The following LPCAT2 variants were observed in gnomAD, a reference collection of about 807,000 sequenced individuals.
The protein encoded by LPCAT2 is 1-AGP acyltransferase 11.
Under a neutral mutation model 64.7 loss-of-function variants are expected in LPCAT2, and 58 were observed. The ratio of observed to expected loss-of-function variants is 0.90; its 90% CI spans 0.73 to 1.12. The LOEUF (loss-of-function observed/expected upper bound fraction) is 1.12. LPCAT2 is among the 50% of genes most tolerant of loss of function. The probability of loss-of-function intolerance (pLI) is 0.00; values close to 1 mark genes in which losing one functional copy is unlikely to be tolerated. For missense variants in LPCAT2, 579 were observed against 669.8 expected (o/e 0.86, Z 1.50); for synonymous variants, 252 against 245.3 (o/e 1.03, Z -0.26).
intron 11 of LPCAT2, among the ~76,000 whole-genome samples, chr16:55,559,994 G>A (rs899951172): frequency 6.6e-6 from 1 of 152,158 alleles, no homozygotes; most frequent in South Asian, 2.1e-4. Context: ...TTTACTTTTG[G>A]CTTCTCAATG....
intron 1 of LPCAT2, among the ~76,000 whole-genome samples, chr16:55,516,047 T>G (rs1963006520): frequency 6.6e-6 from 1 of 152,192 alleles, no homozygotes; most frequent in Admixed American, 6.5e-5. Context: ...AAAATTAAGA[T>G]TCACAGAATT....
rs1963721638 is a variant in LPCAT2 at position 55,567,651 on chromosome 16, T to G, written c.1216-6980T>G. 5.3e-6 allele frequency: 4 copies of G among 760,110 alleles called. 1 individual carries two copies. In the East Asian group the frequency reaches 1.0e-4, roughly 20 times the overall value. The allele number at this position is 760,110 out of a possible 1,614,324, so 47.1% of individuals were successfully genotyped here. ...TACATATTTCTGATCATGTGCTGCC[T>G]TTTACTGCTGAATTAAAACAGATAT... On this transcript the variant is annotated intron_variant, in intron 11 of 13. Coordinates refer to ENST00000262134, the MANE Select transcript of LPCAT2 (RefSeq NM_017839.5).
chr16:55,570,332 A>G (rs1431889400), intron 11 of LPCAT2, among the ~76,000 whole-genome samples: 1 of 152,136 alleles, frequency 6.6e-6, no homozygotes, highest in Non-Finnish European at 1.5e-5. Context: ...CAGAAATCTT[A>G]TCAGTACTGG....
chr16:55,557,896 A>G (rs1225528976), intron 11 of LPCAT2, among the ~76,000 whole-genome samples: 2 of 152,182 alleles, frequency 1.3e-5, no homozygotes, highest in Non-Finnish European at 2.9e-5. Context: ...ACATTCTCAG[A>G]TATTTGATGG....
chr16:55,549,878 ATCT>A (rs1215230945), intron 10 of LPCAT2, among the ~76,000 whole-genome samples: 3 of 152,154 alleles, frequency 2.0e-5, no homozygotes, highest in Admixed American at 6.5e-5. Context: ...AAAGGCAAAA[ATCT>A]TCTTCCTGCT....
intron 7 of LPCAT2, among the ~76,000 whole-genome samples, chr16:55,537,357 C>T (rs1274174496): frequency 2.0e-5 from 3 of 150,258 alleles, no homozygotes; most frequent in African/African-American, 7.4e-5. Flanking sequence ...TGCCACTGTA[C>T]TCCAGACTGG....
chr16:55,518,467 A>G (rs1327162826), intron 1 of LPCAT2, among the ~76,000 whole-genome samples: 1 of 152,200 alleles, frequency 6.6e-6, no homozygotes, highest in Non-Finnish European at 1.5e-5. Flanking sequence ...ACTACAAACA[A>G]CCAAAAGAAT....
intron 11 of LPCAT2, among the ~76,000 whole-genome samples, chr16:55,564,458 A>G (rs1232562508): frequency 6.6e-6 from 1 of 151,982 alleles, no homozygotes; most frequent in Non-Finnish European, 1.5e-5. Flanking sequence ...CTTCAAACCT[A>G]CAGTAATCAA....
rs777807704 is a variant in LPCAT2, at chr16:55,529,858, G to A, written c.553G>A (p.Val185Ile). The part of the protein sequence containing the change: ...IGRLLRAVQP[V>I]LVSRVDPDSR... ...AGGACTGTTACGGGCTGTGCAACCAGTTTTGGTGTCCCGTGTAGATCCGGA... is the reference window on the plus strand; with the variant it reads ...AGGACTGTTACGGGCTGTGCAACCAATTTTGGTGTCCCGTGTAGATCCGGA... The change falls in exon 4 of 14, where the codon GTT becomes ATT. Residue 185 changes from valine to isoleucine, a missense_variant. Physicochemically the swap from Val to Ile is conservative, Grantham distance 29. Transcript: ENST00000262134. The A allele has an allele frequency of 1.2e-6, 2 of 1,611,534 alleles. No individual in the cohort carries two copies. Among genetic ancestry groups the A allele is most frequent in the Non-Finnish European group, 1.7e-6 (2 of 1,178,994 alleles).
At chr16:55,548,068 A>G (rs4369660) in intron 9 of LPCAT2, among the ~76,000 whole-genome samples, 13,262 of 151,952 alleles carry the variant, frequency 0.087, 820 homozygotes, top group African/African-American at 0.17. Context: ...GCACCTGGCC[A>G]AAAAAAATGT....
chr16:55,544,014 C>A (rs1296577149), intron 8 of LPCAT2, among the ~76,000 whole-genome samples: 3 of 152,142 alleles, frequency 2.0e-5, no homozygotes, highest in African/African-American at 4.8e-5. Context: ...ATCCTCACTC[C>A]CTCTACTCAA....
chr16:55,531,805 G>GTTTTTTTTTTTTT, intron 4 of LPCAT2, 109 bp from the exon 5 acceptor site: 1 of 703,714 alleles, frequency 1.4e-6, no homozygotes. Context: ...CTTTTATTTT[G>GTTTTTTTTTTTTT]TTTTTGTTTT....
chr16:55,526,414 G>T lies in LPCAT2; in HGVS notation c.311+767G>T, dbSNP rs564262403. On this transcript the variant is annotated intron_variant, in intron 2 of 13. Transcript: ENST00000262134. ...GTTTCAGGGCATTGTCAAACCTTTT[G>T]AAATTGTTGCCAAATTTTTATATAT... Among the ~76,000 whole-genome samples the T allele has an allele frequency of 8.7e-4, 133 of 152,230 alleles. 1 individual carries two copies. Among genetic ancestry groups the T allele is most frequent in the African/African-American group, 3.0e-3 (123 of 41,564 alleles).
intron 11 of LPCAT2, among the ~76,000 whole-genome samples, chr16:55,568,913 T>C (rs186443123): frequency 9.1e-4 from 138 of 152,290 alleles, no homozygotes; most frequent in Non-Finnish European, 1.5e-3. Flanking sequence ...CCGGTGCCAG[T>C]AGACACAGCT....
intron 1 of LPCAT2, among the ~76,000 whole-genome samples, chr16:55,516,305 A>G (rs868110463): frequency 1.3e-5 from 2 of 152,052 alleles, no homozygotes; most frequent in Non-Finnish European, 2.9e-5. Context: ...GGATCTCCCT[A>G]TATTGCCCAG....
chr16:55,515,880 A>G (rs1046992189), intron 1 of LPCAT2, among the ~76,000 whole-genome samples: 1 of 152,240 alleles, frequency 6.6e-6, no homozygotes, highest in Non-Finnish European at 1.5e-5. Context: ...GGGAATTAAA[A>G]TGATACACTA....
At chr16:55,548,136 C>T (rs1490803008) in intron 9 of LPCAT2, among the ~76,000 whole-genome samples, 1 of 152,146 alleles carries the variant, frequency 6.6e-6, no homozygotes, top group African/African-American at 2.4e-5. Context: ...TCAACAAAAT[C>T]CAGTACAGCT....
chr16:55,577,689 A>G (rs1374021416), intron 12 of LPCAT2, among the ~76,000 whole-genome samples: 2 of 152,086 alleles, frequency 1.3e-5, no homozygotes, highest in African/African-American at 4.8e-5. Flanking sequence ...AGTTATCCTT[A>G]TTTTGCTGCA....
intron 11 of LPCAT2, chr16:55,566,857 G>A: frequency 6.2e-7 from 1 of 1,613,880 alleles, no homozygotes; most frequent in Non-Finnish European, 8.5e-7. Context: ...GAAGGAGGAG[G>A]AAGAAATATT....
Sources: allele counts gnomAD v4.1 joint callset (sites outside exome capture counted in the v4.1 genomes callset), GRCh38; gene constraint gnomAD v4.1.1; transcripts MANE v1.5; gene names NCBI Gene and HGNC (gene_info 2026-07-23, HGNC 2026-07-21).